AGBL1: variants seen among roughly 807,000 people sequenced by gnomAD.
The protein encoded by AGBL1 is AGBL carboxypeptidase 1.
In AGBL1, 130 loss-of-function variants were observed where a neutral mutation model predicts 118.9. The ratio of observed to expected loss-of-function variants is 1.09; its 90% CI spans 0.95 to 1.26. The LOEUF (loss-of-function observed/expected upper bound fraction) is 1.26, where lower values mean the gene tolerates loss of function less well. Among genes scored for constraint, AGBL1 ranks in the 50% most tolerant of loss-of-function variants. AGBL1 has a pLI of 0.00. For missense variants in AGBL1, 1,584 were observed against 1,298.1 expected (o/e 1.22, Z -3.38); for synonymous variants, 555 against 478.9 (o/e 1.16, Z -2.08).
chr15:86,148,350 C>T (rs1187138757), intron 3 of AGBL1, among the ~76,000 whole-genome samples: 2 of 152,030 alleles, frequency 1.3e-5, no homozygotes, highest in Non-Finnish European at 2.9e-5. Flanking sequence ...GAAGGATGTT[C>T]GAACCCATTG....
intron 23 of AGBL1, among the ~76,000 whole-genome samples, chr15:86,947,938 T>C (rs1349545982): frequency 6.6e-6 from 1 of 152,226 alleles, no homozygotes; most frequent in Non-Finnish European, 1.5e-5. Context: ...GAAACATTAA[T>C]TATCTGCTTT....
chr15:86,645,050 CA>C (rs201050132), intron 21 of AGBL1, among the ~76,000 whole-genome samples: 74 of 150,130 alleles, frequency 4.9e-4, no homozygotes, highest in Non-Finnish European at 9.5e-4. Context: ...AAAACAAAAA[CA>C]AAAAAAAGGA....
chr15:86,356,702 T>G (rs571491214), intron 17 of AGBL1, among the ~76,000 whole-genome samples: 1 of 152,226 alleles, frequency 6.6e-6, no homozygotes, highest in South Asian at 2.1e-4. Context: ...CTGAGACAAG[T>G]TTTTTGAGTT....
chr15:86,764,673 CAA>C (rs1425815396), intron 22 of AGBL1, among the ~76,000 whole-genome samples: 1 of 152,040 alleles, frequency 6.6e-6, no homozygotes, highest in Non-Finnish European at 1.5e-5. Flanking sequence ...ATCAACTCTG[CAA>C]AGACTTCCCT....
Position 86,564,779 on chromosome 15 carries a change from A to G in AGBL1, c.2994+10242A>G, listed in dbSNP as rs923778148. Among the ~76,000 whole-genome samples, 6 of 152,204 alleles carry G rather than the reference A, an allele frequency of 3.9e-5. No individual in the cohort carries two copies. The South Asian group carries it at 1.2e-3, about 32-fold the overall frequency. Reference sequence around the variant, plus strand: ...ACTTTCAGGTACACCAATCAGATGTAGATTTGGTCTTTTCACATAGTCCCA... The same window carrying G: ...ACTTTCAGGTACACCAATCAGATGTGGATTTGGTCTTTTCACATAGTCCCA... On this transcript the variant is annotated intron_variant, in intron 21 of 22. Coordinates refer to ENST00000614907, the MANE Select transcript of AGBL1 (RefSeq NM_001386094.1).
At chr15:86,559,700 A>T (rs146569947) in intron 21 of AGBL1, among the ~76,000 whole-genome samples, 1 of 152,114 alleles carries the variant, frequency 6.6e-6, no homozygotes, top group African/African-American at 2.4e-5. Flanking sequence ...CATTATTCCT[A>T]TTTTACAAAT....
intron 23 of AGBL1, among the ~76,000 whole-genome samples, chr15:86,980,504 C>T (rs1055710792): frequency 5.3e-5 from 8 of 152,116 alleles, no homozygotes; most frequent in African/African-American, 1.4e-4. Context: ...AAGCCTAATC[C>T]TCTGTCAATG....
intron 22 of AGBL1, among the ~76,000 whole-genome samples, chr15:86,859,132 C>T (rs985843632): frequency 2.6e-5 from 4 of 152,138 alleles, no homozygotes; most frequent in African/African-American, 9.7e-5. Flanking sequence ...GAAGAGTTAA[C>T]CCTAATTATT....
chr15:86,752,703 C>A lies in AGBL1; in HGVS notation c.3158+78267C>A, dbSNP rs192212067. On this transcript the variant is annotated intron_variant, in intron 22 of 22. Coordinates refer to ENST00000614907, the MANE Select transcript of AGBL1 (RefSeq NM_001386094.1). ...TGACATTAAGGATGACAGCCTTCTCCCACCTCCAAAGAATAGATACCTTTG... is the reference window on the plus strand; with the variant it reads ...TGACATTAAGGATGACAGCCTTCTCACACCTCCAAAGAATAGATACCTTTG... Among the ~76,000 whole-genome samples, 4 of 152,132 alleles carry A rather than the reference C, an allele frequency of 2.6e-5. No individual in the cohort carries two copies. In the East Asian group the frequency reaches 7.8e-4, roughly 29 times the overall value.
intron 15 of AGBL1, among the ~76,000 whole-genome samples, chr15:86,276,305 A>T (rs2079250221): frequency 6.6e-6 from 1 of 152,228 alleles, no homozygotes; most frequent in Admixed American, 6.5e-5. Flanking sequence ...TAATAAAAAA[A>T]TTTTAGTTTC....
At chr15:86,981,869 A>G (rs902321434) in intron 23 of AGBL1, among the ~76,000 whole-genome samples, 1 of 152,222 alleles carries the variant, frequency 6.6e-6, no homozygotes, top group Non-Finnish European at 1.5e-5. Flanking sequence ...CAAGAGGCAC[A>G]GAGAGTAAGT....
chr15:86,526,544 G>GTGTGTGTATATATATA (rs754816154), intron 19 of AGBL1, among the ~76,000 whole-genome samples: 26 of 119,432 alleles, frequency 2.2e-4, no homozygotes, highest in African/African-American at 7.5e-4. Flanking sequence ...TTGTGTCTGT[G>GTGTGTGTATATATATA]TATATATATA....
chr15:86,736,745 G>A (rs1456033105), intron 22 of AGBL1, among the ~76,000 whole-genome samples: 1 of 152,178 alleles, frequency 6.6e-6, no homozygotes, highest in Non-Finnish European at 1.5e-5. Context: ...AAGTATGCAT[G>A]CTGGAAGTAT....
At chr15:86,817,291 TG>T (rs1420235726) in intron 22 of AGBL1, among the ~76,000 whole-genome samples, 3 of 89,234 alleles carry the variant, frequency 3.4e-5, no homozygotes, top group African/African-American at 8.8e-5. Flanking sequence ...AAACTCCATC[TG>T]GAAAAAAAAA....
At chr15:86,248,452 G>C (rs2078756749) in intron 7 of AGBL1, among the ~76,000 whole-genome samples, 1 of 152,198 alleles carries the variant, frequency 6.6e-6, no homozygotes, top group African/African-American at 2.4e-5. Flanking sequence ...TAGAACTAGA[G>C]TACTGGATTC....
intron 24 of AGBL1, among the ~76,000 whole-genome samples, chr15:87,015,752 T>C (rs2081603178): frequency 6.6e-6 from 1 of 152,166 alleles, no homozygotes; most frequent in Non-Finnish European, 1.5e-5. Context: ...CTGCTATTGA[T>C]GAATTCAGGG....
chr15:86,518,013 C>T (rs899471025), intron 18 of AGBL1, among the ~76,000 whole-genome samples: 2 of 152,224 alleles, frequency 1.3e-5, no homozygotes, highest in Non-Finnish European at 2.9e-5. Flanking sequence ...CATGCTGCCT[C>T]TCTTTAGGCT....
In AGBL1 at chr15:86,387,888, C is replaced by T. The variant is rs181698119; in HGVS notation, c.2375-9478C>T. ...GAAAGATGTCAGAGCTTCTTGGGCT[C>T]CTTGTCATCTGGAGGTAATGGAGGT... On this transcript the variant is annotated intron_variant, in intron 17 of 22. Transcript: ENST00000614907. Among the ~76,000 whole-genome samples, 4 of 152,254 alleles carry T rather than the reference C, an allele frequency of 2.6e-5. No homozygotes were observed. The East Asian group carries it at 7.7e-4, about 29-fold the overall frequency.
intron 22 of AGBL1, among the ~76,000 whole-genome samples, chr15:86,852,951 T>C (rs2079427602): frequency 6.6e-6 from 1 of 152,206 alleles, no homozygotes; most frequent in Non-Finnish European, 1.5e-5. Context: ...TCGTTGTTTT[T>C]AAAGCTTCCC....
Sources: gnomAD v4.1 joint callset for allele counts (sites outside exome capture counted in the v4.1 genomes callset) on GRCh38, gnomAD v4.1.1 for gene constraint, MANE v1.5 for transcripts, NCBI Gene and HGNC (gene_info 2026-07-23, HGNC 2026-07-21) for gene names.